Variants in CYBB observed in about 807,000 individuals in gnomAD.
CYBB encodes the protein cytochrome b-245 beta chain.
In CYBB, 5 loss-of-function variants were observed where a neutral mutation model predicts 46.5. That is an observed-to-expected ratio of 0.11 (90% CI 0.06 to 0.23). The LOEUF (loss-of-function observed/expected upper bound fraction) is 0.23, where lower values mean the gene tolerates loss of function less well. CYBB is among the 10% of genes least tolerant of loss of function. The pLI, the probability that CYBB is intolerant of heterozygous loss-of-function variation, is 1.00. For synonymous variants in CYBB, 183 were observed against 156.7 expected, an observed-to-expected ratio of 1.17 and a Z score of -1.26; for missense variants, 307 against 428.3, an observed-to-expected ratio of 0.72 and a Z score of 2.50.
chrX:37,785,259 G>A (rs1255542144), intron 3 of CYBB, among the ~76,000 whole-genome samples: 2 of 112,158 alleles, frequency 1.8e-5, no homozygotes, highest in Non-Finnish European at 3.8e-5. Context: ...AGAAAGAGTC[G>A]TGATATCTTC....
Position 37,780,912 on chromosome X carries a change from G to A in CYBB, c.45+790G>A, listed in dbSNP as rs1169609924. ...TAGATAGAAATACGATTTTTAAATAGCCTTTCTAAATAACCAATAGAAGCA... is the reference window on the plus strand; with the variant it reads ...TAGATAGAAATACGATTTTTAAATAACCTTTCTAAATAACCAATAGAAGCA... On this transcript the variant is annotated intron_variant, in intron 1 of 12. Coordinates refer to ENST00000378588, the MANE Select transcript of CYBB (RefSeq NM_000397.4). 8.4e-4 allele frequency among the ~76,000 whole-genome samples: 93 copies of A among 111,247 alleles called. 1 individual carries two copies. In the Admixed American group the frequency reaches 8.9e-3, roughly 11 times the overall value.
At chrX:37,791,191 A>T (rs1190763287) in intron 3 of CYBB, among the ~76,000 whole-genome samples, 1 of 111,081 alleles carries the variant, frequency 9.0e-6, no homozygotes, top group African/African-American at 3.3e-5. Context: ...GTGTGACCTA[A>T]GGCTAGGTAA....
chrX:37,808,210 TC>T (rs1828450688), intron 11 of CYBB, among the ~76,000 whole-genome samples: 1 of 111,489 alleles, frequency 9.0e-6, no homozygotes. Flanking sequence ...AAGTCCAAGA[TC>T]AAGACACCAA....
chrX:37,802,619 A>G (rs782291201), intron 8 of CYBB, among the ~76,000 whole-genome samples: 20 of 112,180 alleles, frequency 1.8e-4, no homozygotes, highest in Non-Finnish European at 3.0e-4. Flanking sequence ...TCTGTTTTCA[A>G]AATGAAGCTT....
chrX:37,808,805 T>G (rs782705754), intron 11 of CYBB, among the ~76,000 whole-genome samples: 2 of 112,704 alleles, frequency 1.8e-5, no homozygotes, highest in Non-Finnish European at 3.8e-5. Flanking sequence ...CAGTTATTTA[T>G]TTGTATTGAA....
In CYBB at chrX:37,798,184, G is replaced by A. The variant is rs1245572650; in HGVS notation, c.675-771G>A. ...TTTTCTTCTTATATATTCTGAAGAT[G>A]CTGTCATTTATGTTCCTTGAAGTCT... On this transcript the variant is annotated intron_variant, in intron 6 of 12. Transcript: ENST00000378588. 2.7e-5 allele frequency: 3 copies of A among 111,726 alleles called. No individual in the cohort carries two copies. The Admixed American group carries it at 2.8e-4, about 11-fold the overall frequency. 9.2% of individuals were successfully genotyped at this position (111,726 alleles called of 1,213,427 possible). A position where few individuals can be genotyped will look rare whatever the true frequency, so the allele number is the denominator to read the frequency against.
rs186579421 is a variant in CYBB, at chrX:37,799,161, T to C, written c.804+77T>C. On this transcript the variant is annotated intron_variant, in intron 7 of 12. Coordinates refer to ENST00000378588, the MANE Select transcript of CYBB (RefSeq NM_000397.4). ...CCTGTGTCTAAGAAACATGTACAGA[T>C]GTTATACATCTATATAGATGTCCAT... The C allele has an allele frequency of 1.2e-5, 12 of 975,109 alleles. No homozygotes were observed. The East Asian group carries it at 3.7e-4, about 30-fold the overall frequency. The allele number at this position is 975,109 out of a possible 1,213,427, so 80.4% of individuals were successfully genotyped here.
chrX:37,780,580 T>C lies in CYBB; in HGVS notation c.45+458T>C, dbSNP rs1000313472. On this transcript the variant is annotated intron_variant, in intron 1 of 12. Transcript: ENST00000378588. ...TAATTACACTAAATATAATAAAACTTCTCAAATTTATTTTCAAAAACAAGT... is the reference window on the plus strand; with the variant it reads ...TAATTACACTAAATATAATAAAACTCCTCAAATTTATTTTCAAAAACAAGT... Among the ~76,000 whole-genome samples the C allele has an allele frequency of 2.7e-5, 3 of 111,262 alleles. No individual in the cohort carries two copies. In the South Asian group the frequency reaches 1.1e-3, roughly 41 times the overall value.
At chrX:37,783,662 T>C in intron 3 of CYBB, 62 bp downstream of exon 3, 1 of 738,568 alleles carries the variant, frequency 1.4e-6, no homozygotes, top group Non-Finnish European at 2.1e-6. Context: ...AAAATGCCCT[T>C]TTTTAGGTAA....
chrX:37,787,106 A>G (rs1470834874), intron 3 of CYBB, among the ~76,000 whole-genome samples: 1 of 111,835 alleles, frequency 8.9e-6, no homozygotes, highest in Non-Finnish European at 1.9e-5. Context: ...GAGCTTAAGG[A>G]GCTTAGAGTG....
Position 37,793,801 on chromosome X carries a change from G to A in CYBB, c.474G>A (p.Lys158=). The A allele has an allele frequency of 8.3e-7, 1 of 1,205,456 alleles. No individual in the cohort carries two copies. The highest frequency in any genetic ancestry group is 3.0e-5 in the East Asian group (1 of 33,760). ...QNESYLNFAR[K]RIKNPEGGLY... The stretch of plus-strand genomic sequence containing the variant: ...AAAGTTATCTCAATTTTGCTCGAAA[G>A]AGAATAAAGGTAAGCCTCTCATTAT... Residue 158 remains lysine, a synonymous_variant, in exon 5 of 13, where the codon AAG becomes AAA. Coordinates refer to ENST00000378588, the MANE Select transcript of CYBB (RefSeq NM_000397.4).
chrX:37,802,735 G>T (rs1260744725), intron 8 of CYBB, among the ~76,000 whole-genome samples: 1 of 111,959 alleles, frequency 8.9e-6, no homozygotes, highest in Non-Finnish European at 1.9e-5. Flanking sequence ...TTTTAAAAAA[G>T]AATTTTTCAC....
At chrX:37,809,927 A>T (rs1335869839) in intron 12 of CYBB, among the ~76,000 whole-genome samples, 3 of 111,272 alleles carry the variant, frequency 2.7e-5, no homozygotes, top group Non-Finnish European at 5.7e-5. Flanking sequence ...CCCATCTCAG[A>T]TTTTCTCAAC....
At chrX:37,804,628 G>C (rs1250006019) in intron 9 of CYBB, among the ~76,000 whole-genome samples, 1 of 110,657 alleles carries the variant, frequency 9.0e-6, no homozygotes, top group Admixed American at 9.6e-5. Context: ...TCTACAAGAT[G>C]TAATGATGCA....
Position 37,805,188 on chromosome X carries a change from G to C in CYBB, c.1314+20G>C. 8.3e-7 allele frequency: 1 copy of C among 1,205,313 alleles called. No homozygotes were observed. Among genetic ancestry groups the C allele is most frequent in the Non-Finnish European group, 1.1e-6 (1 of 890,753 alleles). The stretch of plus-strand genomic sequence containing the variant: ...AAAAAGGTAAGTCCTTTCATTTATC[G>C]GAGGGCCTTAGAGCAGTAACCATAC... On this transcript the variant is annotated intron_variant, in intron 10 of 12. Coordinates refer to ENST00000378588, the MANE Select transcript of CYBB (RefSeq NM_000397.4).
At chrX:37,801,214 A>T in intron 7 of CYBB, 42 bp from the exon 8 acceptor site, 1 of 946,790 alleles carries the variant, frequency 1.1e-6, no homozygotes, top group South Asian at 1.9e-5. Context: ...GTTATCTATT[A>T]CCACTTAATG....
intron 11 of CYBB, among the ~76,000 whole-genome samples, chrX:37,809,084 T>C (rs1177339627): frequency 8.9e-6 from 1 of 112,515 alleles, no homozygotes; most frequent in Non-Finnish European, 1.9e-5. Context: ...GCTTTAGGCT[T>C]GATTTGATGT....
intron 3 of CYBB, among the ~76,000 whole-genome samples, chrX:37,786,650 T>C (rs1489984287): frequency 9.0e-6 from 1 of 111,051 alleles, no homozygotes; most frequent in Non-Finnish European, 1.9e-5. Context: ...GACTGCTTTG[T>C]TGAGAAAAAT....
At chrX:37,791,932 C>T (rs782198563) in intron 3 of CYBB, 43 bp from the exon 4 acceptor site, 1 of 1,020,327 alleles carries the variant, frequency 9.8e-7, no homozygotes, top group South Asian at 1.9e-5. Context: ...GCAAGCTTTC[C>T]TGTTAACAAT....
Sources: allele counts gnomAD v4.1 joint callset (sites outside exome capture counted in the v4.1 genomes callset), GRCh38; gene constraint gnomAD v4.1.1; transcripts MANE v1.5; gene names NCBI Gene and HGNC (gene_info 2026-07-23, HGNC 2026-07-21).